LRRC4C: variants seen among roughly 807,000 people sequenced by gnomAD.
LRRC4C encodes the protein leucine-rich repeat-containing protein 4C.
Under a neutral mutation model 33.6 loss-of-function variants are expected in LRRC4C, and 5 were observed. That is an observed-to-expected ratio of 0.15 (90% CI 0.08 to 0.31). LRRC4C has a LOEUF of 0.31. Among genes scored for constraint, LRRC4C ranks in the 10% least tolerant of loss-of-function variants. The pLI, the probability that LRRC4C is intolerant of heterozygous loss-of-function variation, is 1.00. For missense variants in LRRC4C, 560 were observed against 796.7 expected (o/e 0.70, Z 3.58); for synonymous variants, 329 against 302.0 (o/e 1.09, Z -0.93).
chr11:40,855,967 AT>A (rs901976609), intron 2 of LRRC4C, among the ~76,000 whole-genome samples: 1 of 151,480 alleles, frequency 6.6e-6, no homozygotes, highest in African/African-American at 2.4e-5. Context: ...TACTTCATAT[AT>A]TTTTTCCTTA....
intron 1 of LRRC4C, among the ~76,000 whole-genome samples, chr11:40,941,278 A>T (rs2136591371): frequency 6.6e-6 from 1 of 152,288 alleles, no homozygotes; most frequent in East Asian, 1.9e-4. Context: ...AAATAGAAAC[A>T]TTCTACATCC....
At chr11:40,249,210 G>C (rs1590816490) in intron 4 of LRRC4C, among the ~76,000 whole-genome samples, 1 of 151,978 alleles carries the variant, frequency 6.6e-6, no homozygotes, top group Admixed American at 6.6e-5. Flanking sequence ...GTGGTGGTGG[G>C]AGCCTGTAAT....
In LRRC4C at chr11:40,592,308, T is replaced by C. The variant is rs1482433103; in HGVS notation, c.-270+55834A>G. Among the ~76,000 whole-genome samples the C allele has an allele frequency of 2.0e-5, 3 of 152,300 alleles. No individual in the cohort carries two copies. The East Asian group carries it at 5.8e-4, about 29-fold the overall frequency. On this transcript the variant is annotated intron_variant, in intron 3 of 6. Transcript: ENST00000528697. ...TTAACATGACCCAGGGAAGGAATTCTCACATGCTGTGAGCATCATAATCAC... is the reference window on the plus strand; with the variant it reads ...TTAACATGACCCAGGGAAGGAATTCCCACATGCTGTGAGCATCATAATCAC...
chr11:41,003,719 T>C (rs574178708), intron 1 of LRRC4C, among the ~76,000 whole-genome samples: 1 of 151,884 alleles, frequency 6.6e-6, no homozygotes, highest in East Asian at 1.9e-4. Flanking sequence ...CTGGTATGCC[T>C]TCATAAATAC....
chr11:40,802,228 T>C (rs1951070228), intron 2 of LRRC4C, among the ~76,000 whole-genome samples: 1 of 152,140 alleles, frequency 6.6e-6, no homozygotes, highest in Non-Finnish European at 1.5e-5. Flanking sequence ...ATTGTAAAAT[T>C]ATATAAGACC....
intron 2 of LRRC4C, among the ~76,000 whole-genome samples, chr11:40,708,310 A>C (rs1239222974): frequency 2.0e-5 from 3 of 152,040 alleles, no homozygotes; most frequent in Admixed American, 6.6e-5. Flanking sequence ...ATGTTAGGGC[A>C]TCAATTTTAG....
At chr11:41,354,689 C>T (rs1952096705) in intron 1 of LRRC4C, among the ~76,000 whole-genome samples, 2 of 152,006 alleles carry the variant, frequency 1.3e-5, no homozygotes, top group South Asian at 2.1e-4. Flanking sequence ...GGTTAGACAA[C>T]CCAGAAATAA....
chr11:40,602,211 G>A (rs11035955), intron 3 of LRRC4C, among the ~76,000 whole-genome samples: 295 of 138,330 alleles, frequency 2.1e-3, no homozygotes, highest in Middle Eastern at 0.016. Flanking sequence ...AAAAAAAAAA[G>A]AAAAAAAAAG....
At chr11:40,949,781 A>T (rs1421472353) in intron 1 of LRRC4C, among the ~76,000 whole-genome samples, 1 of 152,042 alleles carries the variant, frequency 6.6e-6, no homozygotes, top group East Asian at 1.9e-4. Flanking sequence ...TGTAAAGACC[A>T]TTGAGACTAG....
intron 3 of LRRC4C, among the ~76,000 whole-genome samples, chr11:40,378,602 C>G (rs896935439): frequency 5.3e-5 from 8 of 151,938 alleles, no homozygotes; most frequent in African/African-American, 1.9e-4. Flanking sequence ...GATTGGATAG[C>G]TTTGTGGAGT....
intron 3 of LRRC4C, among the ~76,000 whole-genome samples, chr11:40,497,796 T>A (rs970865656): frequency 1.3e-5 from 2 of 152,170 alleles, no homozygotes; most frequent in Non-Finnish European, 1.5e-5. Context: ...TTCCTCCTCT[T>A]TCTGAGGTGT....
intron 1 of LRRC4C, among the ~76,000 whole-genome samples, chr11:41,378,932 TG>T (rs1953041614): frequency 2.6e-5 from 4 of 151,970 alleles, no homozygotes; most frequent in African/African-American, 7.2e-5. Context: ...TTTTTTTTTT[TG>T]TCTGTTTTTT....
intron 1 of LRRC4C, among the ~76,000 whole-genome samples, chr11:41,290,677 T>C (rs949559418): frequency 6.6e-6 from 1 of 152,166 alleles, no homozygotes; most frequent in Non-Finnish European, 1.5e-5. Flanking sequence ...ATATGTTTAA[T>C]GAGACTTAAA....
intron 2 of LRRC4C, among the ~76,000 whole-genome samples, chr11:40,774,789 G>T (rs1949912298): frequency 6.6e-6 from 1 of 152,124 alleles, no homozygotes; most frequent in East Asian, 1.9e-4. Flanking sequence ...TAATGGGAAT[G>T]TAAAGGGAAA....
intron 1 of LRRC4C, among the ~76,000 whole-genome samples, chr11:41,137,903 C>T (rs988634770): frequency 6.6e-6 from 1 of 152,004 alleles, no homozygotes; most frequent in Non-Finnish European, 1.5e-5. Flanking sequence ...GCTTTTGGAC[C>T]CAGGTGGGAG....
intron 4 of LRRC4C, among the ~76,000 whole-genome samples, chr11:40,291,187 A>T (rs1017484340): frequency 1.3e-5 from 2 of 152,132 alleles, no homozygotes; most frequent in Admixed American, 1.3e-4. Flanking sequence ...AAAGTTCTGT[A>T]AAAAAGGCCA....
At chr11:41,329,505 A>T (rs1159858426) in intron 1 of LRRC4C, among the ~76,000 whole-genome samples, 1 of 152,188 alleles carries the variant, frequency 6.6e-6, no homozygotes, top group African/African-American at 2.4e-5. Flanking sequence ...AAACATCTCT[A>T]ATCCTTCTTT....
chr11:40,505,292 T>A (rs1409641878), intron 3 of LRRC4C, among the ~76,000 whole-genome samples: 1 of 152,200 alleles, frequency 6.6e-6, no homozygotes. Context: ...ATTTAACAAC[T>A]GTTGACACCT....
chr11:40,877,717 G>A (rs979476364), intron 2 of LRRC4C, among the ~76,000 whole-genome samples: 3 of 152,130 alleles, frequency 2.0e-5, no homozygotes, highest in African/African-American at 2.4e-5. Flanking sequence ...CACATTTGAC[G>A]AAGTGGTGGC....
Sources: gnomAD v4.1 joint callset for allele counts (sites outside exome capture counted in the v4.1 genomes callset) on GRCh38, gnomAD v4.1.1 for gene constraint, MANE v1.5 for transcripts, NCBI Gene and HGNC (gene_info 2026-07-23, HGNC 2026-07-21) for gene names.